RDH13: variants seen among roughly 807,000 people sequenced by gnomAD.
RDH13 encodes the protein retinol dehydrogenase 13 (all-trans and 9-cis).
A neutral mutation model predicts 28.3 loss-of-function variants in RDH13; 35 were observed. The observed-to-expected ratio is 1.24, with a 90% CI of 0.95 to 1.64. RDH13 has a LOEUF of 1.64. Ranked by LOEUF, RDH13 falls within the 40% of genes most tolerant of loss-of-function variation. The pLI, the probability that RDH13 is intolerant of heterozygous loss-of-function variation, is 0.00. For synonymous variants in RDH13, 229 were observed against 198.5 expected, an observed-to-expected ratio of 1.15 and a Z score of -1.29; for missense variants, 514 against 446.3, an observed-to-expected ratio of 1.15 and a Z score of -1.37.
At chr19:55,048,637 G>A (rs768309145) in intron 4 of RDH13, 22 bp downstream of exon 4, 1 of 1,612,310 alleles carries the variant, frequency 6.2e-7, no homozygotes. Context: ...AACCCATGGT[G>A]CAGCCCCTGC....
chr19:55,061,346 G>C, intron 1 of RDH13, among the ~76,000 whole-genome samples: 1 of 151,920 alleles, frequency 6.6e-6, no homozygotes, highest in Non-Finnish European at 1.5e-5. Flanking sequence ...GGTCAGGCTG[G>C]TCTCGAACTC....
In RDH13 at chr19:55,045,719, G is replaced by A. The variant is rs537100948; in HGVS notation, c.761-410C>T. ...CCAGCACTTTGGGAGGCCGAGGCGGGCGGATTACCTGGGGTCGGGAGTTCC... is the reference window on the plus strand; with the variant it reads ...CCAGCACTTTGGGAGGCCGAGGCGGACGGATTACCTGGGGTCGGGAGTTCC... On this transcript the variant is annotated intron_variant, in intron 6 of 6. Coordinates refer to ENST00000415061, the MANE Select transcript of RDH13 (RefSeq NM_001145971.2). 5.3e-5 allele frequency among the ~76,000 whole-genome samples: 8 copies of A among 152,260 alleles called. No individual in the cohort carries two copies. In the East Asian group the frequency reaches 1.5e-3, roughly 29 times the overall value.
At chr19:55,046,778 A>G in intron 6 of RDH13, 1 of 152,766 alleles carries the variant, frequency 6.5e-6, no homozygotes, top group Non-Finnish European at 1.5e-5. Context: ...TGCACCTGTA[A>G]TCCCAGCTAC....
upstream of RDH13, among the ~76,000 whole-genome samples, chr19:55,068,041 TTCTC>T (rs368047352): frequency 3.6e-4 from 52 of 143,626 alleles, no homozygotes; most frequent in African/African-American, 7.5e-4. Context: ...CTGTGTCTCC[TTCTC>T]TCTCTCTCTT....
chr19:55,047,632 TAGTGA>T (rs1332478124), intron 5 of RDH13, 144 bp from the exon 6 acceptor site: 18 of 1,378,678 alleles, frequency 1.3e-5, no homozygotes, highest in East Asian at 2.5e-5. Context: ...TCTGGAATCT[TAGTGA>T]AGTGGTCTTA....
intron 3 of RDH13, among the ~76,000 whole-genome samples, chr19:55,049,056 G>T (rs1038543657): frequency 1.3e-5 from 2 of 152,156 alleles, no homozygotes; most frequent in Non-Finnish European, 2.9e-5. Flanking sequence ...GGCCGCCCCC[G>T]CTGGAAGTGG....
chr19:55,052,908 C>T (rs552037088), intron 3 of RDH13, among the ~76,000 whole-genome samples: 10 of 152,020 alleles, frequency 6.6e-5, no homozygotes, highest in South Asian at 4.2e-4. Flanking sequence ...GTGATCCGCC[C>T]GCCTCAGCCT....
At chr19:55,064,493 C>T (rs2075908042), upstream of RDH13, 1 of 152,024 alleles carries the variant, frequency 6.6e-6, no homozygotes. Flanking sequence ...TACACAATGC[C>T]AAATGCTGTA....
In RDH13 at chr19:55,045,299, G is replaced by A. The variant is rs556873124; in HGVS notation, c.771C>T (p.Phe257=). 5.1e-5 allele frequency: 83 copies of A among 1,612,052 alleles called. No homozygotes were observed. In the East Asian group the frequency reaches 1.2e-3, roughly 23 times the overall value. ...GCTCGGGGCTCTTGACCAGCAGCCA[G>A]AAGATGGGCCCTGCAATCAGCCCAC... is the stretch of plus-strand genomic sequence containing the variant. The part of the protein sequence containing the change: ...TFSSTTLGPI[F]WLLVKSPELA... Residue 257 remains phenylalanine (F), a synonymous_variant, in exon 7 of 7, where the codon TTC becomes TTT. Transcript: ENST00000415061.
rs1262788310 is a variant in RDH13, at chr19:55,050,114, T to A, written c.341-1351A>T. The stretch of plus-strand genomic sequence containing the variant: ...TGCAATTTCACTGCCCCCAGCCTAT[T>A]TTTTTTTTTTTGGGGGGGGGAGATG... On this transcript the variant is annotated intron_variant, in intron 3 of 6. Coordinates refer to ENST00000415061, the MANE Select transcript of RDH13 (RefSeq NM_001145971.2). 3.0e-4 allele frequency among the ~76,000 whole-genome samples: 14 copies of A among 46,740 alleles called. No individual in the cohort carries two copies. In the East Asian group the frequency reaches 8.1e-3, roughly 27 times the overall value. The allele number at this position is 46,740 out of a possible 152,430, so 30.7% of individuals were successfully genotyped here. A position where few individuals can be genotyped will look rare whatever the true frequency, so the allele number is the denominator to read the frequency against.
At chr19:55,040,128 A>G (rs2074986057), downstream of RDH13, among the ~76,000 whole-genome samples, 1 of 152,116 alleles carries the variant, frequency 6.6e-6, no homozygotes, top group Admixed American at 6.6e-5. Flanking sequence ...AACACTGTAA[A>G]TGTATTTATA....
In RDH13 at chr19:55,055,646, C is replaced by T. The variant is rs537547246; in HGVS notation, c.340+1007G>A. On this transcript the variant is annotated intron_variant, in intron 3 of 6. Coordinates refer to ENST00000415061, the MANE Select transcript of RDH13 (RefSeq NM_001145971.2). ...CTTGAGCCCAGGAGTTGGAGACCAG[C>T]CTGAGCAACATGGTGAAACCCCAGC... Among the ~76,000 whole-genome samples, 387 of 150,968 alleles carry T rather than the reference C, an allele frequency of 2.6e-3. 2 individuals carry two copies. Among genetic ancestry groups the T allele is most frequent in the Admixed American group, 6.8e-3 (103 of 15,170 alleles).
chr19:55,059,828 C>T lies in RDH13; in HGVS notation c.66-553G>A, dbSNP rs1362896949. Among the ~76,000 whole-genome samples, 7 of 152,208 alleles carry T rather than the reference C, an allele frequency of 4.6e-5. No individual in the cohort carries two copies. In the East Asian group the frequency reaches 1.3e-3, roughly 29 times the overall value. ...TTAATTTGTAGCTTTGACCCAGCCA[C>T]TTTGACCCAATCTGGAGCTCACAAA... On this transcript the variant is annotated intron_variant, in intron 1 of 6. Coordinates refer to ENST00000415061, the MANE Select transcript of RDH13 (RefSeq NM_001145971.2).
chr19:55,047,821 C>T (rs1030909295), intron 5 of RDH13, among the ~76,000 whole-genome samples: 1 of 152,166 alleles, frequency 6.6e-6, no homozygotes, highest in Non-Finnish European at 1.5e-5. Context: ...GGTCCACAGA[C>T]CGTCTTTCAG....
intron 3 of RDH13, among the ~76,000 whole-genome samples, chr19:55,050,423 C>T (rs906483490): frequency 6.6e-6 from 1 of 151,966 alleles, no homozygotes; most frequent in Non-Finnish European, 1.5e-5. Context: ...TCTACTTGGC[C>T]TATTTTTTAT....
At chr19:55,065,375 C>A (rs1166718590), upstream of RDH13, among the ~76,000 whole-genome samples, 2 of 151,458 alleles carry the variant, frequency 1.3e-5, no homozygotes, top group African/African-American at 2.4e-5. Flanking sequence ...CAGAGCAAGA[C>A]CCCATCTCAA....
upstream of RDH13, among the ~76,000 whole-genome samples, chr19:55,065,652 G>T (rs751760786): frequency 1.1e-4 from 16 of 151,688 alleles, no homozygotes; most frequent in Non-Finnish European, 2.1e-4. Flanking sequence ...AGCCACAGAT[G>T]ATGTGAAAAC....
rs769359280 is a variant in RDH13, at chr19:55,047,491, G to C, written c.659-3C>G. The C allele has an allele frequency of 7.5e-6, 12 of 1,603,250 alleles. No homozygotes were observed. The highest frequency in any genetic ancestry group is 1.3e-5 in the African/African-American group (1 of 74,886). ...GGCGTTGACAGTCACACCAGAGCCT[G>C]GGGAAGAAAGAAAGAGAAGACTGAG... On this transcript the variant is annotated splice_polypyrimidine_tract_variant and splice_region_variant and intron_variant, in intron 5 of 6. Coordinates refer to ENST00000415061, the MANE Select transcript of RDH13 (RefSeq NM_001145971.2).
At chr19:55,040,810 G>A (rs1470279349), downstream of RDH13, 2 of 152,196 alleles carry the variant, frequency 1.3e-5, no homozygotes, top group African/African-American at 2.4e-5. Flanking sequence ...AGAATACTAT[G>A]AGATTTGTCA....
Sources: gnomAD v4.1 joint callset for allele counts (sites outside exome capture counted in the v4.1 genomes callset) on GRCh38, gnomAD v4.1.1 for gene constraint, MANE v1.5 for transcripts, NCBI Gene and HGNC (gene_info 2026-07-23, HGNC 2026-07-21) for gene names.